The following MAN2A2 variants were observed in gnomAD, a reference collection of about 807,000 sequenced individuals.
The protein encoded by MAN2A2 is mannosidase alpha class 2A member 2.
In MAN2A2, 79 loss-of-function variants were observed where a neutral mutation model predicts 126.8. The observed-to-expected ratio is 0.62, with a 90% CI of 0.52 to 0.75. The LOEUF (loss-of-function observed/expected upper bound fraction) is 0.75, where lower values mean the gene tolerates loss of function less well. Among genes scored for constraint, MAN2A2 ranks in the 30% least tolerant of loss-of-function variants. The pLI is 0.00. For synonymous variants in MAN2A2, 671 were observed against 618.7 expected (o/e 1.08, Z -1.25); for missense variants, 1,392 against 1,522.4 (o/e 0.91, Z 1.43).
chr15:90,918,547 C>T (rs2035360699), intron 21 of MAN2A2, 98 bp from the exon 22 acceptor site: 1 of 1,190,656 alleles, frequency 8.4e-7, no homozygotes, highest in Non-Finnish European at 1.2e-6. Flanking sequence ...TACCCACACG[C>T]CTCCCTGTGC....
chr15:90,912,821 C>T lies in MAN2A2; in HGVS notation c.2470-56C>T, dbSNP rs548000792. The T allele has an allele frequency of 9.6e-6, 15 of 1,565,064 alleles. No homozygotes were observed. In the East Asian group the frequency reaches 3.4e-4, roughly 35 times the overall value. ...TCTCTTGCCCAGCCCTGGGCTGGCACCTTCCTGCTTTGCCCTCTGTGCTGT... is the reference window on the plus strand; with the variant it reads ...TCTCTTGCCCAGCCCTGGGCTGGCATCTTCCTGCTTTGCCCTCTGTGCTGT... On this transcript the variant is annotated intron_variant, in intron 16 of 22. Transcript: ENST00000559717.
Position 90,919,849 on chromosome 15 carries a change from T to C in MAN2A2, c.*62T>C, listed in dbSNP as rs539208561. On this transcript the variant is annotated 3_prime_UTR_variant, in exon 23 of 23. Coordinates refer to ENST00000559717, the MANE Select transcript of MAN2A2 (RefSeq NM_006122.4). ...AGACTGCCTCTTAACATGAAGATCATTGGACAAGCCACACGGGTATCCCAT... is the reference window on the plus strand; with the variant it reads ...AGACTGCCTCTTAACATGAAGATCACTGGACAAGCCACACGGGTATCCCAT... 1.0e-4 allele frequency: 162 copies of C among 1,588,246 alleles called. No homozygotes were observed. Among genetic ancestry groups the C allele is most frequent in the African/African-American group, 3.4e-4 (25 of 74,574 alleles).
intron 5 of MAN2A2, 27 bp from the exon 6 acceptor site, chr15:90,906,343 G>A (rs527565576): frequency 4.3e-5 from 69 of 1,613,828 alleles, no homozygotes; most frequent in African/African-American, 3.5e-4. Flanking sequence ...GTCCTGCTCC[G>A]TCCTGAGTGT....
rs2035378030 is a variant in MAN2A2 at position 90,918,728 on chromosome 15, C to T, written c.3273C>T (p.Gly1091=). 1 of 1,521,492 alleles carries T rather than the reference C, an allele frequency of 6.6e-7. No individual in the cohort carries two copies. The highest frequency in any genetic ancestry group is 1.4e-5 in the African/African-American group (1 of 72,760). 94.2% of individuals were successfully genotyped at this position (1,521,492 alleles called of 1,614,324 possible). A position where few individuals can be genotyped will look rare whatever the true frequency, so the allele number is the denominator to read the frequency against. ...FDCGLEAKNL[G]FNCTTSQGKV... ...GCGGCCTGGAGGCCAAGAACTTGGG[C>T]TTCAACTGCACCACAAGCCAAGGCA... Residue 1091 remains glycine, a synonymous_variant, in exon 22 of 23, where the codon GGC becomes GGT. Coordinates refer to ENST00000559717, the MANE Select transcript of MAN2A2 (RefSeq NM_006122.4).
At position 90,912,230 on chromosome 15, in the gene MAN2A2, G is replaced by A. The variant is rs1423859577; in HGVS notation, c.2297G>A (p.Ser766Asn). ...TCTGGCACCAGCGACTTCGCCCTCA[G>A]CAACCGCTACATGCAGGTCTGGTTC... Reference protein sequence around the residue: ...IDSGTSDFALSNRYMQVWFSG... With the variant: ...IDSGTSDFALNNRYMQVWFSG... The change falls in exon 15 of 23, where the codon AGC (serine) becomes AAC (asparagine). Residue 766 changes from serine to asparagine, a missense_variant. By Grantham distance (46) the Ser-to-Asn change is conservative. Transcript: ENST00000559717. 6.2e-7 allele frequency: 1 copy of A among 1,614,238 alleles called. No homozygotes were observed. Among genetic ancestry groups the A allele is most frequent in the South Asian group, 1.1e-5 (1 of 91,092 alleles).
chr15:90,916,518 C>G (rs943481197), intron 20 of MAN2A2: 3 of 1,386,038 alleles, frequency 2.2e-6, no homozygotes, highest in African/African-American at 2.9e-5. Context: ...CCTCCTCTGC[C>G]CTGTCCCAGC....
intron 2 of MAN2A2, 116 bp from the exon 3 acceptor site, chr15:90,905,130 ATGGTC>A (rs1395229361): frequency 9.3e-7 from 1 of 1,078,410 alleles, no homozygotes; most frequent in East Asian, 2.4e-5. Context: ...CTCTAGGCTC[ATGGTC>A]TGGCTTTGAC....
chr15:90,913,521 G>A (rs1390650154), intron 18 of MAN2A2, 93 bp from the exon 19 acceptor site: 4 of 1,564,734 alleles, frequency 2.6e-6, no homozygotes, highest in African/African-American at 2.7e-5. Flanking sequence ...ATGAATGAGA[G>A]GCGAAGAGTT....
At chr15:90,916,279 A>T (rs754630989) in intron 20 of MAN2A2, 23 bp downstream of exon 20, 2 of 1,609,796 alleles carry the variant, frequency 1.2e-6, no homozygotes, top group Middle Eastern at 1.7e-4. Flanking sequence ...GCTGACGCCC[A>T]GGGAGCCAGG....
intron 3 of MAN2A2, 35 bp downstream of exon 3, chr15:90,905,543 C>T (rs781750681): frequency 1.3e-5 from 21 of 1,614,088 alleles, no homozygotes; most frequent in East Asian, 2.2e-5. Flanking sequence ...GTACAGTGGC[C>T]ACGACTGGGG....
At chr15:90,913,154 G>C (rs75395925) in intron 17 of MAN2A2, 119 bp from the exon 18 acceptor site, 1 of 1,329,744 alleles carries the variant, frequency 7.5e-7, no homozygotes, top group Non-Finnish European at 1.0e-6. Context: ...ATGCCCTGGG[G>C]ATTTCTTGGG....
chr15:90,916,313 C>G (rs1007352732), intron 20 of MAN2A2, 57 bp downstream of exon 20: 43 of 1,578,686 alleles, frequency 2.7e-5, no homozygotes, highest in Non-Finnish European at 3.5e-5. Context: ...TGGGGGTGGC[C>G]GGGGGGTCCA....
intron 20 of MAN2A2, chr15:90,916,477 C>A: frequency 8.5e-7 from 1 of 1,175,076 alleles, no homozygotes; most frequent in Non-Finnish European, 1.2e-6. Flanking sequence ...CTGTGCCCCT[C>A]ATGTTCGTCT....
intron 2 of MAN2A2, among the ~76,000 whole-genome samples, chr15:90,904,541 A>AC (rs1485466640): frequency 9.3e-5 from 14 of 150,962 alleles, no homozygotes; most frequent in African/African-American, 3.4e-4. Flanking sequence ...AGGAAGAAAA[A>AC]ATGTCAATGG....
intron 20 of MAN2A2, 106 bp downstream of exon 20, chr15:90,916,362 G>A (rs545987275): frequency 1.4e-6 from 2 of 1,441,138 alleles, no homozygotes; most frequent in Non-Finnish European, 1.9e-6. Flanking sequence ...GTGGGCAAGA[G>A]AGAGAGAGTA....
chr15:90,912,715 C>T, intron 16 of MAN2A2, 51 bp downstream of exon 16: 4 of 1,610,324 alleles, frequency 2.5e-6, no homozygotes, highest in South Asian at 1.1e-5. Flanking sequence ...GGAGGGGGCA[C>T]AGGCCTTCCC....
intron 20 of MAN2A2, among the ~76,000 whole-genome samples, 158 bp from the exon 21 acceptor site, chr15:90,918,036 T>C (rs2035320104): frequency 6.6e-6 from 1 of 152,154 alleles, no homozygotes; most frequent in African/African-American, 2.4e-5. Context: ...CTTGAAGGGT[T>C]AGCGGAACCT....
At position 90,919,930 on chromosome 15, in the gene MAN2A2, A is replaced by G; in HGVS notation, c.*143A>G. On this transcript the variant is annotated 3_prime_UTR_variant, in exon 23 of 23. Coordinates refer to ENST00000559717, the MANE Select transcript of MAN2A2 (RefSeq NM_006122.4). ...TGGGCTCTGCCCTCATTTTCTGTTT[A>G]TTGCTGCTGCTGTGTTTTCGGCGCA... 1.0e-6 allele frequency: 1 copy of G among 1,004,710 alleles called. No individual in the cohort carries two copies. The highest frequency in any genetic ancestry group is 1.4e-6 in the Non-Finnish European group (1 of 693,168). 62.2% of individuals were successfully genotyped at this position (1,004,710 alleles called of 1,614,324 possible).
chr15:90,907,598 C>A, intron 8 of MAN2A2, 103 bp downstream of exon 8: 3 of 1,090,120 alleles, frequency 2.8e-6, no homozygotes, highest in South Asian at 1.6e-5. Context: ...AGTTGAGGCT[C>A]CTAGCCTCTG....
Sources: allele counts gnomAD v4.1 joint callset (sites outside exome capture counted in the v4.1 genomes callset), GRCh38; gene constraint gnomAD v4.1.1; transcripts MANE v1.5; gene names NCBI Gene and HGNC (gene_info 2026-07-23, HGNC 2026-07-21).